Variants in OTOG observed in about 807,000 individuals in gnomAD.
The protein encoded by OTOG is otogelin.
OTOG carries 296 observed loss-of-function variants against 313.8 expected under a neutral mutation model. That is an observed-to-expected ratio of 0.94 (90% CI 0.86 to 1.04). The LOEUF (loss-of-function observed/expected upper bound fraction) is 1.04. Among genes scored for constraint, OTOG ranks in the 50% least tolerant of loss-of-function variants. The pLI is 0.00. For missense variants in OTOG, 3,948 were observed against 3,840.1 expected (o/e 1.03, Z -0.74); for synonymous variants, 1,533 against 1,554.9 (o/e 0.99, Z 0.33).
intron 54 of OTOG, among the ~76,000 whole-genome samples, chr11:17,643,733 G>A (rs1848019773): frequency 6.6e-6 from 1 of 152,214 alleles, no homozygotes; most frequent in Non-Finnish European, 1.5e-5. Context: ...CAAAACCTCT[G>A]CTTCTTGTCA....
At chr11:17,640,324 C>T (rs1380899129) in intron 49 of OTOG, among the ~76,000 whole-genome samples, 2 of 152,180 alleles carry the variant, frequency 1.3e-5, no homozygotes, top group African/African-American at 4.8e-5. Flanking sequence ...ATGCTCTTAG[C>T]CACCAGGCTG....
Position 17,610,736 on chromosome 11 carries a change from G to GGT in OTOG, c.5438_5439dup (p.Gly1814TrpfsTer44), listed in dbSNP as rs1453944020. On this transcript the variant is annotated frameshift_variant, in exon 36 of 56. Transcript: ENST00000399397. LOFTEE classifies it high-confidence loss of function. ...CCGACACCAGCCTGCCCCTGGCCAAGGTGGGCACATCTGCCCCAGTGGCCA... is the reference window on the plus strand; with the variant it reads ...CCGACACCAGCCTGCCCCTGGCCAAGGTGTGGGCACATCTGCCCCAGTGGCCA... 2 of 1,550,052 alleles carry GGT rather than the reference G, an allele frequency of 1.3e-6. No individual in the cohort carries two copies. Among genetic ancestry groups the GGT allele is most frequent in the East Asian group, 4.9e-5 (2 of 40,916 alleles).
At chr11:17,594,227 A>T in intron 28 of OTOG, 61 bp downstream of exon 28, 1 of 1,545,488 alleles carries the variant, frequency 6.5e-7, no homozygotes, top group Non-Finnish European at 8.7e-7. Context: ...GCCAGCACTG[A>T]ACCCGGCCCA....
At chr11:17,595,977 C>A in intron 28 of OTOG, 61 bp from the exon 29 acceptor site, 2 of 1,176,328 alleles carry the variant, frequency 1.7e-6, no homozygotes, top group Non-Finnish European at 2.5e-6. Flanking sequence ...ATCTGTCTGT[C>A]ATGTCAGGCA....
intron 49 of OTOG, 101 bp downstream of exon 49, chr11:17,639,564 G>T: frequency 7.8e-7 from 1 of 1,281,624 alleles, no homozygotes; most frequent in South Asian, 1.3e-5. Context: ...CTAGTGCAAG[G>T]AACCCGGGGT....
rs190239647 is a variant in OTOG, at chr11:17,553,093, G to T, written c.293-26G>T. 3.2e-6 allele frequency: 5 copies of T among 1,547,910 alleles called. No individual in the cohort carries two copies. The Admixed American group carries it at 5.9e-5, about 18-fold the overall frequency. ...GTTCTGCCAATCTCAGCTTGATGGG[G>T]CAATGACTCTGTGTCTCCCATGCAG... is the stretch of plus-strand genomic sequence containing the variant. On this transcript the variant is annotated intron_variant, in intron 4 of 55. Transcript: ENST00000399397.
chr11:17,547,592 C>T (rs1851837038), intron 1 of OTOG, 126 bp downstream of exon 1: 2 of 1,268,162 alleles, frequency 1.6e-6, no homozygotes, highest in Non-Finnish European at 2.0e-6. Flanking sequence ...AGCAGAGGGA[C>T]ACCCAGGAGG....
In OTOG at chr11:17,645,615, G is replaced by T. The variant is rs548280117; in HGVS notation, c.8513G>T (p.Arg2838Leu). The T allele has an allele frequency of 2.6e-5, 41 of 1,550,546 alleles. No individual in the cohort carries two copies. In the South Asian group the frequency reaches 4.0e-4, roughly 15 times the overall value. ...AAGGTGACCATCCGCATGACCATCC[G>T]CAAGAATGAATGCAGGAGCAGCACC... ...CKKVTIRMTI[R>L]KNECRSSTPV... Residue 2838 changes from arginine to leucine, a missense_variant, in exon 55 of 56, where the codon CGC (arginine) becomes CTC (leucine). Coordinates refer to ENST00000399397, the MANE Select transcript of OTOG (RefSeq NM_001292063.2).
At chr11:17,608,219 G>A in intron 33 of OTOG, 77 bp from the exon 34 acceptor site, 3 of 972,622 alleles carry the variant, frequency 3.1e-6, no homozygotes, top group Non-Finnish European at 2.9e-6. Context: ...TCCACAGGAT[G>A]GGGGGCAGGG....
Position 17,559,068 on chromosome 11 carries a change from G to T in OTOG, c.1120G>T (p.Ala374Ser). 1.3e-6 allele frequency: 2 copies of T among 1,548,182 alleles called. No homozygotes were observed. Among genetic ancestry groups the T allele is most frequent in the Non-Finnish European group, 1.7e-6 (2 of 1,146,956 alleles). Reference sequence around the variant, plus strand: ...TCTGCACAGATCAATGGGTGATGTAGCCACCTGGTGCCGGGCACTGGCGGA... The same window carrying T: ...TCTGCACAGATCAATGGGTGATGTATCCACCTGGTGCCGGGCACTGGCGGA... ...SDLCQSMGDVATWCRALAEYA... is the reference protein window; with the variant it reads ...SDLCQSMGDVSTWCRALAEYA... The change falls in exon 11 of 56, where the codon GCC becomes TCC. Residue 374 changes from alanine to serine, a missense_variant. Ala to Ser is a moderately conservative substitution (Grantham distance 99). Transcript: ENST00000399397.
At chr11:17,615,052 G>C (rs550823593) in intron 39 of OTOG, among the ~76,000 whole-genome samples, 47 of 152,262 alleles carry the variant, frequency 3.1e-4, no homozygotes, top group African/African-American at 1.1e-3. Context: ...TGTTTGTTTA[G>C]TCATTCTAAT....
Position 17,602,340 on chromosome 11 carries a change from C to G in OTOG, c.3840C>G (p.Phe1280Leu), listed in dbSNP as rs1853276403. 6.4e-7 allele frequency: 1 copy of G among 1,550,442 alleles called. No homozygotes were observed. Among genetic ancestry groups the G allele is most frequent in the Admixed American group, 2.0e-5 (1 of 50,990 alleles). The stretch of plus-strand genomic sequence containing the variant: ...TGGCGCCAGCAGACATTGTGAGCTT[C>G]CTGCTGACAGCTGCTCTGTACAAGG... ...EDVAPADIVS[F>L]LLTAALYKAK... The change falls in exon 32 of 56, where the codon TTC becomes TTG. Residue 1280 changes from phenylalanine to leucine, a missense_variant. Physicochemically the swap from Phe to Leu is conservative, Grantham distance 22. Transcript: ENST00000399397.
At chr11:17,617,101 C>G (rs1161729469) in intron 39 of OTOG, among the ~76,000 whole-genome samples, 2 of 152,098 alleles carry the variant, frequency 1.3e-5, no homozygotes, top group Non-Finnish European at 2.9e-5. Context: ...TTTTCTGCAC[C>G]TATTTGGATA....
rs1283424031 is a variant in OTOG at position 17,632,242 on chromosome 11, AG to A, written c.7072+21del. On this transcript the variant is annotated intron_variant, in intron 42 of 55. Transcript: ENST00000399397. ...GACTACTGCCGTGAGTTTGCGGGGC[AG>A]GGGGACCCTCCATTGTGACTATTGT... 1 of 1,545,334 alleles carries A rather than the reference AG, an allele frequency of 6.5e-7. No individual in the cohort carries two copies. Among genetic ancestry groups the A allele is most frequent in the Non-Finnish European group, 8.7e-7 (1 of 1,142,872 alleles).
chr11:17,592,493 TA>T (rs1852972114), intron 25 of OTOG, among the ~76,000 whole-genome samples: 1 of 152,170 alleles, frequency 6.6e-6, no homozygotes, highest in African/African-American at 2.4e-5. Flanking sequence ...TCCTGTTAAA[TA>T]ACCACTCCAG....
At chr11:17,607,162 T>C (rs1381279736) in intron 33 of OTOG, among the ~76,000 whole-genome samples, 11 of 152,272 alleles carry the variant, frequency 7.2e-5, no homozygotes, top group Admixed American at 7.2e-4. Context: ...GGGCTTTGCC[T>C]TGTGCTGGCA....
At position 17,611,048 on chromosome 11, in the gene OTOG, A is replaced by G. The variant is rs1565117249; in HGVS notation, c.5748A>G (p.Gln1916=). 2.6e-6 allele frequency: 4 copies of G among 1,550,442 alleles called. No homozygotes were observed. The highest frequency in any genetic ancestry group is 3.5e-6 in the Non-Finnish European group (4 of 1,146,882). The change falls in exon 36 of 56, where the codon CAA becomes CAG. Residue 1916 remains glutamine (Q), a synonymous_variant. Coordinates refer to ENST00000399397, the MANE Select transcript of OTOG (RefSeq NM_001292063.2). ...GGAAGGTGGCCATCCTATCCAAGCA[A>G]GTGTCTCTGCCCACTTCCATGTATG... ...TTGKVAILSK[Q]VSLPTSMYGS... is the part of the protein sequence containing the mutation.
intron 20 of OTOG, 49 bp from the exon 21 acceptor site, chr11:17,576,506 GC>G: frequency 6.8e-7 from 1 of 1,471,566 alleles, no homozygotes. Flanking sequence ...GGCAGTCTCT[GC>G]CCTAGCTCCT....
chr11:17,555,417 G>T (rs1344773581), intron 6 of OTOG, among the ~76,000 whole-genome samples: 2 of 152,104 alleles, frequency 1.3e-5, no homozygotes, highest in Non-Finnish European at 2.9e-5. Flanking sequence ...TGAGATGGTG[G>T]AGTATGTCTG....
Sources: allele counts gnomAD v4.1 joint callset (sites outside exome capture counted in the v4.1 genomes callset), GRCh38; gene constraint gnomAD v4.1.1; transcripts MANE v1.5; gene names NCBI Gene and HGNC (gene_info 2026-07-23, HGNC 2026-07-21).